Variants in AFAP1 observed in about 807,000 individuals in gnomAD.
The protein encoded by AFAP1 is actin filament associated protein 1.
AFAP1 carries 75 observed loss-of-function variants against 93.9 expected under a neutral mutation model. The ratio of observed to expected loss-of-function variants is 0.80; its 90% confidence interval spans 0.66 to 0.97. The LOEUF (loss-of-function observed/expected upper bound fraction) is 0.97, where lower values mean the gene tolerates loss of function less well. AFAP1 is among the 50% of genes least tolerant of loss of function. AFAP1 has a pLI of 0.00. For missense variants in AFAP1, 1,201 were observed against 1,050.8 expected, an observed-to-expected ratio of 1.14 and a Z score of -1.98; for synonymous variants, 517 against 430.7, an observed-to-expected ratio of 1.20 and a Z score of -2.48.
At chr4:7,821,461 C>T (rs928213408) in intron 6 of AFAP1, among the ~76,000 whole-genome samples, 1 of 152,154 alleles carries the variant, frequency 6.6e-6, no homozygotes, top group Non-Finnish European at 1.5e-5. Context: ...TTCCCAGCCG[C>T]CCCCTACATG....
Position 7,868,630 on chromosome 4 carries a change from G to A in AFAP1, c.217C>T (p.Pro73Ser). ...PQMPLPEIPQ[P>S]WLPPDSGPPP... ...GTGGGACCTTGACTCACCAGCCAGG[G>A]CTGAGGGATCTCCGGCAGGGGCATC... is the stretch of plus-strand genomic sequence containing the variant. The change falls in exon 3 of 18, where the codon CCC (proline) becomes TCC (serine). Residue 73 changes from proline (P) to serine (S), a missense_variant. Coordinates refer to ENST00000420658, the MANE Select transcript of AFAP1 (RefSeq NM_001134647.2). 3.1e-6 allele frequency: 5 copies of A among 1,611,822 alleles called. No individual in the cohort carries two copies. The highest frequency in any genetic ancestry group is 4.2e-6 in the Non-Finnish European group (5 of 1,179,694).
intron 1 of AFAP1, among the ~76,000 whole-genome samples, chr4:7,893,594 A>AAG (rs1259652170): frequency 6.6e-6 from 1 of 151,512 alleles, no homozygotes; most frequent in Non-Finnish European, 1.5e-5. Context: ...AAAAAAAAAA[A>AAG]AAAAAGGTTA....
At chr4:7,896,182 T>C (rs1247091320) in intron 1 of AFAP1, among the ~76,000 whole-genome samples, 1 of 152,122 alleles carries the variant, frequency 6.6e-6, no homozygotes, top group Non-Finnish European at 1.5e-5. Context: ...CTAATCCAAA[T>C]GGTCCAATTT....
intron 1 of AFAP1, among the ~76,000 whole-genome samples, chr4:7,903,126 C>T (rs557263969): frequency 2.6e-5 from 4 of 152,342 alleles, no homozygotes; most frequent in African/African-American, 7.2e-5. Context: ...TTTCCAAAAG[C>T]ATCTGTCATG....
chr4:7,922,160 G>A (rs576486795), intron 1 of AFAP1, among the ~76,000 whole-genome samples: 4 of 152,292 alleles, frequency 2.6e-5, no homozygotes, highest in Admixed American at 1.3e-4. Flanking sequence ...GGCAATGATG[G>A]GAGTAGGACT....
intron 1 of AFAP1, among the ~76,000 whole-genome samples, chr4:7,933,847 T>C (rs768771070): frequency 2.0e-5 from 3 of 152,212 alleles, no homozygotes; most frequent in Admixed American, 6.5e-5. Context: ...CCAGCCCACA[T>C]GGTGATTTTT....
intron 17 of AFAP1, among the ~76,000 whole-genome samples, chr4:7,764,798 C>T (rs2148937613): frequency 6.6e-6 from 1 of 152,100 alleles, no homozygotes; most frequent in South Asian, 2.1e-4. Flanking sequence ...TGGACAGTAC[C>T]CCCACTTCAT....
chr4:7,875,374 T>C (rs1306984587), intron 1 of AFAP1, among the ~76,000 whole-genome samples: 1 of 152,204 alleles, frequency 6.6e-6, no homozygotes, highest in African/African-American at 2.4e-5. Context: ...TTCCCTTCTA[T>C]GAAATGAAGA....
At chr4:7,855,779 T>G (rs1045821280) in intron 3 of AFAP1, among the ~76,000 whole-genome samples, 2 of 152,224 alleles carry the variant, frequency 1.3e-5, no homozygotes, top group Non-Finnish European at 2.9e-5. Flanking sequence ...GCCCCAGCCC[T>G]GGCCACATGC....
At chr4:7,786,831 T>G (rs922223289) in intron 11 of AFAP1, among the ~76,000 whole-genome samples, 1 of 152,262 alleles carries the variant, frequency 6.6e-6, no homozygotes. Context: ...TGAAAGTTAC[T>G]GTCTGGTCTC....
intron 1 of AFAP1, among the ~76,000 whole-genome samples, chr4:7,900,517 C>T (rs919730057): frequency 3.3e-5 from 5 of 152,224 alleles, no homozygotes; most frequent in African/African-American, 1.2e-4. Context: ...GAGGATGGTG[C>T]TTCCCAGGAA....
intron 5 of AFAP1, among the ~76,000 whole-genome samples, chr4:7,839,753 G>A (rs75032242): frequency 0.022 from 3,352 of 152,086 alleles, 108 homozygotes; most frequent in African/African-American, 0.067. Context: ...ATTGCCCAAA[G>A]CTTCCCTTAC....
chr4:7,871,892 A>G, intron 2 of AFAP1, 60 bp downstream of exon 2: 1 of 1,567,410 alleles, frequency 6.4e-7, no homozygotes, highest in Non-Finnish European at 8.6e-7. Context: ...GTAAAATTAA[A>G]GACGATTTAG....
chr4:7,778,475 C>A, intron 14 of AFAP1: 1 of 479,744 alleles, frequency 2.1e-6, no homozygotes, highest in Non-Finnish European at 3.8e-6. Flanking sequence ...CAGGGCCACC[C>A]GGAGCTGCAA....
intron 6 of AFAP1, among the ~76,000 whole-genome samples, chr4:7,829,972 CATAAATGGGAGACAGACTATCTTTTTG>C (rs1721749520): frequency 6.6e-6 from 1 of 152,128 alleles, no homozygotes; most frequent in Non-Finnish European, 1.5e-5. Flanking sequence ...ACCCAATGTC[CATAAATGGGAGACAGACTATCTTTTTG>C]AAGTATGGTC....
At chr4:7,925,027 C>A (rs1213257398) in intron 1 of AFAP1, among the ~76,000 whole-genome samples, 2 of 152,174 alleles carry the variant, frequency 1.3e-5, no homozygotes, top group African/African-American at 2.4e-5. Flanking sequence ...CATCCTGAAG[C>A]TTCCCCACTC....
intron 17 of AFAP1, among the ~76,000 whole-genome samples, chr4:7,766,691 G>A (rs925891950): frequency 2.0e-5 from 3 of 152,150 alleles, no homozygotes; most frequent in Non-Finnish European, 4.4e-5. Context: ...GAAACCTGGA[G>A]CAGCCCAGCG....
At chr4:7,858,438 C>G (rs1220393322) in intron 3 of AFAP1, among the ~76,000 whole-genome samples, 1 of 152,116 alleles carries the variant, frequency 6.6e-6, no homozygotes, top group African/African-American at 2.4e-5. Flanking sequence ...AAATCGGCCA[C>G]AGGGGTTTCA....
Position 7,839,043 on chromosome 4 carries a change from TA to T in AFAP1, c.547-341del, listed in dbSNP as rs902947064. On this transcript the variant is annotated intron_variant, in intron 5 of 17. Transcript: ENST00000420658. ...AATTACATGAATGTATTTACATAAA[TA>T]AAAACATAGGCTGGGCACGATGGCT... Among the ~76,000 whole-genome samples the T allele has an allele frequency of 7.4e-4, 112 of 152,204 alleles. 1 individual carries two copies. Among genetic ancestry groups the T allele is most frequent in the African/African-American group, 2.5e-3 (105 of 41,522 alleles).
Sources: allele counts gnomAD v4.1 joint callset (sites outside exome capture counted in the v4.1 genomes callset), GRCh38; gene constraint gnomAD v4.1.1; transcripts MANE v1.5; gene names NCBI Gene and HGNC (gene_info 2026-07-23, HGNC 2026-07-21).